SLC48A1: variants seen among roughly 807,000 people sequenced by gnomAD.
SLC48A1 encodes the protein heme transporter HRG1.
In SLC48A1, 6 loss-of-function variants were observed where a neutral mutation model predicts 14.8. The observed-to-expected ratio is 0.41, with a 90% CI of 0.22 to 0.80. The LOEUF is 0.80. Ranked by LOEUF, SLC48A1 falls within the 30% of genes least tolerant of loss-of-function variation. The pLI, the probability that SLC48A1 is intolerant of heterozygous loss-of-function variation, is 0.34. For synonymous variants in SLC48A1, 89 were observed against 90.0 expected (o/e 0.99, Z 0.06); for missense variants, 165 against 204.8 (o/e 0.81, Z 1.19).
In SLC48A1 at chr12:47,780,467, G is replaced by A. The variant is rs145090188; in HGVS notation, c.*186G>A. The A allele has an allele frequency of 1.6e-4, 144 of 896,386 alleles. No individual in the cohort carries two copies. In the African/African-American group the frequency reaches 2.2e-3, roughly 14 times the overall value. 55.5% of individuals were successfully genotyped at this position (896,386 alleles called of 1,614,324 possible). On this transcript the variant is annotated 3_prime_UTR_variant, in exon 3 of 3. Coordinates refer to ENST00000442218, the MANE Select transcript of SLC48A1 (RefSeq NM_017842.3). The stretch of plus-strand genomic sequence containing the variant: ...CCCCTTTCGAGGAAACCTGAGTGTG[G>A]TAGAGAGGGGATCCTGCCATGTTGC...
At chr12:47,773,120 G>A (rs1236170952), upstream of SLC48A1, 3 of 889,560 alleles carry the variant, frequency 3.4e-6, no homozygotes, top group Admixed American at 6.2e-5. Flanking sequence ...GGCGTCTGCG[G>A]TTCCGGGCGC....
chr12:47,755,423 C>T (rs1047107832), upstream of SLC48A1, among the ~76,000 whole-genome samples: 3 of 152,112 alleles, frequency 2.0e-5, no homozygotes, highest in Non-Finnish European at 4.4e-5. Flanking sequence ...AGTGCGTTCT[C>T]GGAGTTACAA....
intron 2 of SLC48A1, among the ~76,000 whole-genome samples, chr12:47,779,822 G>A (rs73107911): frequency 0.14 from 20,838 of 152,224 alleles, 1,657 homozygotes; most frequent in Non-Finnish European, 0.18. Flanking sequence ...CATTAGAAGC[G>A]CAAACCCTGT....
rs984201292 is a variant in SLC48A1, at chr12:47,777,732, T to C, written c.137-1296T>C. On this transcript the variant is annotated intron_variant, in intron 1 of 2. Coordinates refer to ENST00000442218, the MANE Select transcript of SLC48A1 (RefSeq NM_017842.3). This position sits in a 1 kb window ranked among gnomAD's most constrained non-coding sequence, Gnocchi z 4.5. Reference sequence around the variant, plus strand: ...ATAGATGATTTAACAAACACCCTTATAACCCAGCCTGAGAAAACAGCGTAG... The same window carrying C: ...ATAGATGATTTAACAAACACCCTTACAACCCAGCCTGAGAAAACAGCGTAG... 2.0e-5 allele frequency among the ~76,000 whole-genome samples: 3 copies of C among 152,224 alleles called. No homozygotes were observed. The highest frequency in any genetic ancestry group is 7.2e-5 in the African/African-American group (3 of 41,454).
intron 1 of SLC48A1, among the ~76,000 whole-genome samples, chr12:47,759,619 C>T (rs942232969): frequency 3.3e-5 from 5 of 152,210 alleles, no homozygotes; most frequent in African/African-American, 1.2e-4. Context: ...CATTCCAGCG[C>T]CCTGCTAGGC....
At chr12:47,759,196 A>G in intron 1 of SLC48A1, 8 of 779,348 alleles carry the variant, frequency 1.0e-5, no homozygotes, top group Non-Finnish European at 1.1e-5. Context: ...AGAAATGCAA[A>G]CAAGGAAACC....
upstream of SLC48A1, among the ~76,000 whole-genome samples, chr12:47,770,073 A>G (rs1565778768): frequency 6.6e-6 from 1 of 152,356 alleles, no homozygotes; most frequent in East Asian, 1.9e-4. Flanking sequence ...GCACTTGCCC[A>G]GGGTCACAGC....
chr12:47,779,869 T>C (rs2136871703), intron 2 of SLC48A1, among the ~76,000 whole-genome samples: 1 of 152,332 alleles, frequency 6.6e-6, no homozygotes, highest in South Asian at 2.1e-4. Flanking sequence ...CCCCTGATGA[T>C]CTAATGTTTG....
At chr12:47,769,228 G>A (rs755762055), upstream of SLC48A1, 2 of 152,258 alleles carry the variant, frequency 1.3e-5, no homozygotes, top group Admixed American at 1.3e-4. Flanking sequence ...ACTGTGCCCA[G>A]AAAGAGACAC....
chr12:47,775,707 C>T (rs1001527116), intron 1 of SLC48A1, among the ~76,000 whole-genome samples: 4 of 152,238 alleles, frequency 2.6e-5, no homozygotes, highest in Non-Finnish European at 5.9e-5. Context: ...CCAGCATGCT[C>T]CTTCTCCTGT....
chr12:47,773,901 C>A (rs749390950), intron 1 of SLC48A1, among the ~76,000 whole-genome samples: 4 of 152,218 alleles, frequency 2.6e-5, no homozygotes, highest in African/African-American at 7.2e-5. Flanking sequence ...TGGGTGAGGG[C>A]AGAGAGGGAA....
Position 47,780,526 on chromosome 12 carries a change from C to T in SLC48A1, c.*245C>T, listed in dbSNP as rs756600021. ...AGCCTGGCCAGAGGGCAGCTTTAGA[C>T]CTTTTCAAATGAATCTGTTTTCTTT... On this transcript the variant is annotated 3_prime_UTR_variant, in exon 3 of 3. Coordinates refer to ENST00000442218, the MANE Select transcript of SLC48A1 (RefSeq NM_017842.3). The T allele has an allele frequency of 6.6e-6, 5 of 760,774 alleles. No homozygotes were observed. In the Admixed American group the frequency reaches 8.6e-5, roughly 13 times the overall value. 47.1% of individuals were successfully genotyped at this position (760,774 alleles called of 1,614,324 possible).
upstream of SLC48A1, among the ~76,000 whole-genome samples, chr12:47,755,212 G>T (rs1273195208): frequency 6.6e-6 from 1 of 152,166 alleles, no homozygotes; most frequent in Non-Finnish European, 1.5e-5. Context: ...TAGCAGCTGC[G>T]TAACTCTGAA....
intron 2 of SLC48A1, among the ~76,000 whole-genome samples, chr12:47,779,428 C>CA (rs1942818365): frequency 6.6e-6 from 1 of 152,218 alleles, no homozygotes; most frequent in South Asian, 2.1e-4. Context: ...CCCATACAAG[C>CA]ACTCCTGATA....
At chr12:47,773,225 G>C, upstream of SLC48A1, 1 of 1,111,536 alleles carries the variant, frequency 9.0e-7, no homozygotes, top group Non-Finnish European at 1.1e-6. Flanking sequence ...CGGCTCCCGC[G>C]GCTCCGGCTG....
intron 2 of SLC48A1, among the ~76,000 whole-genome samples, chr12:47,762,335 T>C (rs772126861): frequency 3.9e-5 from 6 of 152,126 alleles, no homozygotes; most frequent in Non-Finnish European, 5.9e-5. Context: ...TCCTGGGTCT[T>C]CACAGGAACC....
At chr12:47,758,888 G>A in intron 1 of SLC48A1, 1 of 1,123,788 alleles carries the variant, frequency 8.9e-7, no homozygotes, top group Non-Finnish European at 1.1e-6. Context: ...GCTGGCACCG[G>A]TCCGGGCGGG....
At chr12:47,754,875 G>A (rs1406952885), upstream of SLC48A1, among the ~76,000 whole-genome samples, 1 of 152,224 alleles carries the variant, frequency 6.6e-6, no homozygotes, top group Admixed American at 6.5e-5. Context: ...CAGGGCGGAA[G>A]AGGAGGCACT....
intron 2 of SLC48A1, among the ~76,000 whole-genome samples, chr12:47,765,334 C>G (rs554059551): frequency 2.0e-5 from 3 of 152,320 alleles, no homozygotes; most frequent in Admixed American, 6.5e-5. Context: ...ACAGGCCCCC[C>G]TCAGGCCTTG....
Sources: gnomAD v4.1 joint callset for allele counts (sites outside exome capture counted in the v4.1 genomes callset) on GRCh38, gnomAD v4.1.1 for gene constraint, Gnocchi (gnomAD v3.1) non-coding constraint, MANE v1.5 for transcripts, NCBI Gene and HGNC (gene_info 2026-07-23, HGNC 2026-07-21) for gene names.